Variants in CNTNAP2 observed in about 807,000 individuals in gnomAD.
The protein encoded by CNTNAP2 is contactin associated protein 2.
Under a neutral mutation model 155.2 loss-of-function variants are expected in CNTNAP2, and 98 were observed. The ratio of observed to expected loss-of-function variants is 0.63; its 90% CI spans 0.54 to 0.75. The LOEUF (loss-of-function observed/expected upper bound fraction) is 0.75. Ranked by LOEUF, CNTNAP2 falls within the 30% of genes least tolerant of loss-of-function variation. The probability of loss-of-function intolerance (pLI) is 0.00; values close to 1 mark genes in which losing one functional copy is unlikely to be tolerated. For missense variants in CNTNAP2, 1,727 were observed against 1,688.1 expected (o/e 1.02, Z -0.40); for synonymous variants, 651 against 631.2 (o/e 1.03, Z -0.47).
At chr7:148,134,003 A>T (rs965286189) in intron 16 of CNTNAP2, 2 of 152,224 alleles carry the variant, frequency 1.3e-5, no homozygotes, top group Non-Finnish European at 2.9e-5. Flanking sequence ...AGCAATTGAA[A>T]GGAATAAAGC....
chr7:147,963,514 G>A (rs967555105), intron 14 of CNTNAP2, among the ~76,000 whole-genome samples: 2 of 152,082 alleles, frequency 1.3e-5, no homozygotes, highest in Non-Finnish European at 2.9e-5. Flanking sequence ...CCTAGAAAAG[G>A]GCGCAACATG....
intron 13 of CNTNAP2, among the ~76,000 whole-genome samples, chr7:147,802,395 A>G (rs1409519659): frequency 1.3e-5 from 2 of 152,116 alleles, no homozygotes; most frequent in Middle Eastern, 3.4e-3. Flanking sequence ...AGAGGCTGCA[A>G]TCTCGGCACT....
intron 13 of CNTNAP2, among the ~76,000 whole-genome samples, chr7:147,699,439 G>A (rs1158489231): frequency 3.3e-5 from 5 of 151,870 alleles, no homozygotes; most frequent in African/African-American, 7.3e-5. Flanking sequence ...ATTACACACC[G>A]GGGCCTGTCG....
At chr7:146,489,563 A>C (rs780682666) in intron 1 of CNTNAP2, among the ~76,000 whole-genome samples, 5 of 152,056 alleles carry the variant, frequency 3.3e-5, no homozygotes, top group Non-Finnish European at 5.9e-5. Flanking sequence ...AGTGACACAC[A>C]CACCCCCACC....
intron 1 of CNTNAP2, among the ~76,000 whole-genome samples, chr7:146,556,964 A>T (rs1423266000): frequency 6.6e-6 from 1 of 152,126 alleles, no homozygotes; most frequent in Non-Finnish European, 1.5e-5. Context: ...CTGGTTGATT[A>T]AACACACAGA....
chr7:146,852,243 G>A (rs1008309851), intron 3 of CNTNAP2, among the ~76,000 whole-genome samples: 1 of 152,042 alleles, frequency 6.6e-6, no homozygotes, highest in Non-Finnish European at 1.5e-5. Flanking sequence ...GTGTTGATAG[G>A]GGTGTGTCTG....
chr7:147,166,582 C>G (rs1802117808), intron 8 of CNTNAP2, among the ~76,000 whole-genome samples: 1 of 152,050 alleles, frequency 6.6e-6, no homozygotes, highest in South Asian at 2.1e-4. Context: ...GTGAAGAGAC[C>G]ACCAAACAGG....
chr7:146,792,984 G>GA (rs1283591769), intron 2 of CNTNAP2, among the ~76,000 whole-genome samples: 4 of 151,724 alleles, frequency 2.6e-5, no homozygotes, highest in African/African-American at 9.7e-5. Context: ...TACCTGCATG[G>GA]AAAAAAACTA....
intron 18 of CNTNAP2, among the ~76,000 whole-genome samples, chr7:148,206,403 A>C (rs888388432): frequency 2.0e-5 from 3 of 151,834 alleles, no homozygotes; most frequent in Admixed American, 6.6e-5. Flanking sequence ...AAAGTTAGGG[A>C]ATCCAGATAT....
intron 4 of CNTNAP2, among the ~76,000 whole-genome samples, chr7:147,067,201 G>A (rs1431823386): frequency 6.7e-6 from 1 of 148,916 alleles, no homozygotes; most frequent in Non-Finnish European, 1.5e-5. Flanking sequence ...TGAAGCAGGA[G>A]AATCACTGGA....
At chr7:146,451,267 T>C (rs1192255830) in intron 1 of CNTNAP2, among the ~76,000 whole-genome samples, 1 of 152,094 alleles carries the variant, frequency 6.6e-6, no homozygotes, top group African/African-American at 2.4e-5. Flanking sequence ...TATTTCTAAA[T>C]AATTGTAATT....
Position 147,953,930 on chromosome 7 carries a change from C to G in CNTNAP2, c.2256-23932C>G, listed in dbSNP as rs574507366. Among the ~76,000 whole-genome samples the G allele has an allele frequency of 2.6e-5, 4 of 152,288 alleles. No individual in the cohort carries two copies. In the South Asian group the frequency reaches 6.2e-4, roughly 24 times the overall value. On this transcript the variant is annotated intron_variant, in intron 14 of 23. Coordinates refer to ENST00000361727, the MANE Select transcript of CNTNAP2 (RefSeq NM_014141.6). ...TTAATCAAGTATGACTTGATTACATCTGCAAAGGTCATATCGAGAAGTACC... is the reference window on the plus strand; with the variant it reads ...TTAATCAAGTATGACTTGATTACATGTGCAAAGGTCATATCGAGAAGTACC...
chr7:147,030,477 T>C (rs1305909989), intron 3 of CNTNAP2, among the ~76,000 whole-genome samples: 2 of 152,210 alleles, frequency 1.3e-5, no homozygotes, highest in Non-Finnish European at 2.9e-5. Context: ...ACAATTGTTT[T>C]TGGTTTTTCA....
intron 23 of CNTNAP2, among the ~76,000 whole-genome samples, chr7:148,410,764 G>GT (rs1224368564): frequency 1.3e-5 from 2 of 152,028 alleles, no homozygotes; most frequent in Non-Finnish European, 2.9e-5. Flanking sequence ...AGAAAAACAC[G>GT]TAACAGAGAT....
At chr7:146,628,235 G>GT (rs1474288981) in intron 1 of CNTNAP2, among the ~76,000 whole-genome samples, 1 of 152,042 alleles carries the variant, frequency 6.6e-6, no homozygotes, top group African/African-American at 2.4e-5. Flanking sequence ...TAAATCTGTA[G>GT]TATAACATTA....
chr7:148,353,140 C>T (rs1046361462), intron 21 of CNTNAP2, among the ~76,000 whole-genome samples: 1 of 152,210 alleles, frequency 6.6e-6, no homozygotes, highest in African/African-American at 2.4e-5. Context: ...GGTCAACAGG[C>T]GGGGCCCCGG....
chr7:146,419,676 A>G (rs1454178327), intron 1 of CNTNAP2, among the ~76,000 whole-genome samples: 1 of 152,174 alleles, frequency 6.6e-6, no homozygotes, highest in African/African-American at 2.4e-5. Context: ...GCTTAACAAC[A>G]TTCTTCATCA....
chr7:147,398,549 GT>G (rs1563189505), intron 10 of CNTNAP2, among the ~76,000 whole-genome samples: 1 of 122,470 alleles, frequency 8.2e-6, no homozygotes, highest in Non-Finnish European at 1.7e-5. Flanking sequence ...GTCTGAAGGT[GT>G]TTTTCTGTGT....
chr7:148,062,011 TAG>T lies in CNTNAP2; in HGVS notation c.2384-56090_2384-56089del, dbSNP rs374161359. Among the ~76,000 whole-genome samples, 346 of 84,178 alleles carry T rather than the reference TAG, an allele frequency of 4.1e-3. 6 individuals carry two copies. The highest frequency in any genetic ancestry group is 6.9e-3 in the Middle Eastern group (1 of 144). 55.2% of individuals were successfully genotyped at this position (84,178 alleles called of 152,430 possible). A position where few individuals can be genotyped will look rare whatever the true frequency, so the allele number is the denominator to read the frequency against. ...GATAGATAGATAGATAGATAGATGA[TAG>T]AGAGAGAGAGAGAGAGTGTGTGTGT... On this transcript the variant is annotated intron_variant, in intron 15 of 23. Coordinates refer to ENST00000361727, the MANE Select transcript of CNTNAP2 (RefSeq NM_014141.6).
Sources: allele counts gnomAD v4.1 joint callset (sites outside exome capture counted in the v4.1 genomes callset), GRCh38; gene constraint gnomAD v4.1.1; transcripts MANE v1.5; gene names NCBI Gene and HGNC (gene_info 2026-07-23, HGNC 2026-07-21).